Variants in ILDR2 observed in about 807,000 individuals in gnomAD.
ILDR2 encodes the protein immunoglobulin-like domain-containing receptor 2.
In ILDR2, 25 loss-of-function variants were observed where a neutral mutation model predicts 66.8. The ratio of observed to expected loss-of-function variants is 0.37; its 90% CI spans 0.27 to 0.52. ILDR2 has a LOEUF of 0.52. Ranked by LOEUF, ILDR2 falls within the 20% of genes least tolerant of loss-of-function variation. The pLI is 0.88. For missense variants in ILDR2, 827 were observed against 876.8 expected (o/e 0.94, Z 0.72); for synonymous variants, 367 against 357.2 (o/e 1.03, Z -0.31).
chr1:166,956,037 C>T (rs1187555781), intron 3 of ILDR2, among the ~76,000 whole-genome samples: 1 of 152,144 alleles, frequency 6.6e-6, no homozygotes, highest in Non-Finnish European at 1.5e-5. Context: ...CAGTTTCATA[C>T]AGAGGTCAGC....
At chr1:166,935,577 T>C in intron 5 of ILDR2, 100 bp from the exon 6 acceptor site, 1 of 1,020,968 alleles carries the variant, frequency 9.8e-7, no homozygotes, top group Non-Finnish European at 1.4e-6. Context: ...AGCTCCTGGA[T>C]GTGTGTATGT....
chr1:166,947,768 G>C (rs1428198009), intron 3 of ILDR2, among the ~76,000 whole-genome samples: 1 of 152,128 alleles, frequency 6.6e-6, no homozygotes. Context: ...CGGTAACCGC[G>C]GGCCGCCAGG....
At position 166,936,700 on chromosome 1, in the gene ILDR2, G is replaced by A; in HGVS notation, c.594C>T (p.Phe198=). The A allele has an allele frequency of 6.2e-7, 1 of 1,614,148 alleles. No homozygotes were observed. Among genetic ancestry groups the A allele is most frequent in the South Asian group, 1.1e-5 (1 of 91,078 alleles). ...VFVGLVLLGV[F]LFFVLVGICW... The stretch of plus-strand genomic sequence containing the variant: ...AGATCCCCACCAGGACGAAGAAGAG[G>A]AAGACGCCCAGGAGCACCAGGCCAA... Residue 198 remains phenylalanine, a synonymous_variant, in exon 5 of 10, where the codon TTC becomes TTT. Coordinates refer to ENST00000271417, the MANE Select transcript of ILDR2 (RefSeq NM_199351.3). The surrounding 1 kb of genome is among the most constrained non-coding windows in gnomAD (Gnocchi z 5.0).
At chr1:166,944,591 C>A (rs1021644417) in intron 3 of ILDR2, among the ~76,000 whole-genome samples, 1 of 152,208 alleles carries the variant, frequency 6.6e-6, no homozygotes, top group Non-Finnish European at 1.5e-5. Context: ...GCACATTTCA[C>A]AACAAATTAT....
downstream of ILDR2, chr1:166,907,101 T>A (rs143710699): frequency 6.6e-6 from 1 of 152,332 alleles, no homozygotes; most frequent in African/African-American, 2.4e-5. Flanking sequence ...TCTGATACTG[T>A]GAGGATAATT....
At chr1:166,959,747 G>C (rs781478969) in intron 1 of ILDR2, among the ~76,000 whole-genome samples, 2 of 152,136 alleles carry the variant, frequency 1.3e-5, no homozygotes, top group Non-Finnish European at 2.9e-5. Context: ...TCCAAGCAAA[G>C]GGAACATAAC....
At chr1:166,956,663 G>A in intron 3 of ILDR2, 70 bp downstream of exon 3, 1 of 1,561,184 alleles carries the variant, frequency 6.4e-7, no homozygotes, top group East Asian at 2.2e-5. Context: ...GGAGAAGTGA[G>A]AAGAGGGATA....
chr1:166,906,220 A>T (rs1659347593), downstream of ILDR2, among the ~76,000 whole-genome samples: 1 of 152,198 alleles, frequency 6.6e-6, no homozygotes, highest in South Asian at 2.1e-4. Context: ...CAGTGGTATG[A>T]AGGATACCAA....
intron 7 of ILDR2, among the ~76,000 whole-genome samples, chr1:166,925,510 A>G (rs1660224875): frequency 6.6e-6 from 1 of 152,164 alleles, no homozygotes; most frequent in East Asian, 1.9e-4. Flanking sequence ...CTAAAGTCCT[A>G]CTAGCTAGAA....
At chr1:166,923,335 T>C (rs1660073189) in intron 7 of ILDR2, among the ~76,000 whole-genome samples, 2 of 152,188 alleles carry the variant, frequency 1.3e-5, no homozygotes, top group South Asian at 4.1e-4. Flanking sequence ...CTGGCCTCCT[T>C]TGGCTGTGCC....
Position 166,922,658 on chromosome 1 carries a change from ACTG to A in ILDR2, c.1143_1145del (p.Ser382del). On this transcript the variant is annotated inframe_deletion, in exon 8 of 10. Transcript: ENST00000271417. ...TGGCTGAGGGCCCGCGGCTTGCCCC[ACTG>A]CTGCCTCCCATGACACCTGACCAAT... 6.2e-7 allele frequency: 1 copy of A among 1,614,100 alleles called. No homozygotes were observed. Among genetic ancestry groups the A allele is most frequent in the Non-Finnish European group, 8.5e-7 (1 of 1,180,020 alleles).
At chr1:166,937,231 G>A (rs1661040657) in intron 4 of ILDR2, among the ~76,000 whole-genome samples, 1 of 152,192 alleles carries the variant, frequency 6.6e-6, no homozygotes, top group African/African-American at 2.4e-5. Flanking sequence ...GGGTCTAGAT[G>A]TAGTTTATAG....
intron 6 of ILDR2, among the ~76,000 whole-genome samples, chr1:166,928,581 T>A (rs1008461698): frequency 3.3e-5 from 5 of 152,220 alleles, no homozygotes; most frequent in Non-Finnish European, 7.3e-5. Context: ...AAAGAAACCA[T>A]ATGACTGCAT....
chr1:166,937,344 C>T (rs6690159), intron 4 of ILDR2, among the ~76,000 whole-genome samples: 7 of 152,176 alleles, frequency 4.6e-5, no homozygotes, highest in Non-Finnish European at 1.0e-4. Flanking sequence ...GAGATCCAAA[C>T]TCTTTGCTTA....
rs1261613226 is a variant in ILDR2 at position 166,921,461 on chromosome 1, C to T, written c.1212-82G>A. ...GGGCTCCCAAGAGCACCCATCGTGT[C>T]CTGGGGCCACGCTCAGGAGACCTCG... On this transcript the variant is annotated intron_variant, in intron 8 of 9. Coordinates refer to ENST00000271417, the MANE Select transcript of ILDR2 (RefSeq NM_199351.3). The surrounding 1 kb of genome is among the most constrained non-coding windows in gnomAD (Gnocchi z 5.3). 6.6e-6 allele frequency: 8 copies of T among 1,204,162 alleles called. No individual in the cohort carries two copies. In the South Asian group the frequency reaches 1.1e-4, roughly 16 times the overall value. The allele number at this position is 1,204,162 out of a possible 1,614,324, so 74.6% of individuals were successfully genotyped here.
In ILDR2 at chr1:166,920,876, C is replaced by T. The variant is rs1291752686; in HGVS notation, c.1715G>A (p.Gly572Asp). The T allele has an allele frequency of 6.7e-7, 1 of 1,495,106 alleles. No homozygotes were observed. The highest frequency in any genetic ancestry group is 8.9e-7 in the Non-Finnish European group (1 of 1,126,920). 92.6% of individuals were successfully genotyped at this position (1,495,106 alleles called of 1,614,324 possible). ...SASYYAWSPP[G>D]TYKAGSSQDD... is the part of the protein sequence containing the mutation. ...CTGCGACGAGCCGGCCTTGTAGGTG[C>T]CGGGCGGCGACCAAGCGTAGTAGGA... Residue 572 changes from glycine to aspartate, a missense_variant, in exon 9 of 10, where the codon GGC becomes GAC. By Grantham distance (94) the Gly-to-Asp change is moderately conservative. Coordinates refer to ENST00000271417, the MANE Select transcript of ILDR2 (RefSeq NM_199351.3).
At chr1:166,924,868 T>C (rs959470076) in intron 7 of ILDR2, among the ~76,000 whole-genome samples, 4 of 151,944 alleles carry the variant, frequency 2.6e-5, no homozygotes, top group African/African-American at 9.7e-5. Flanking sequence ...ATTAAAAAAT[T>C]AGTTGTGCAT....
At position 166,921,159 on chromosome 1, in the gene ILDR2, A is replaced by G; in HGVS notation, c.1432T>C (p.Tyr478His). Residue 478 changes from tyrosine to histidine, a missense_variant, in exon 9 of 10, where the codon TAC becomes CAC. By Grantham distance (83) the Tyr-to-His change is moderately conservative (BLOSUM62 2). This residue lies in a region of ILDR2 where 390 missense variants were observed against 353.6 expected (regional missense o/e 1.10). Transcript: ENST00000271417. The surrounding 1 kb of genome is among the most constrained non-coding windows in gnomAD (Gnocchi z 5.3). Reference protein sequence around the residue: ...FYQDDSLEEYYGQRSRSREPL... With the variant: ...FYQDDSLEEYHGQRSRSREPL... ...TCGCGGCTGCGGCTGCGCTGACCGT[A>G]GTACTCCTCCAAGGAGTCGTCCTGG... 1 of 1,542,532 alleles carries G rather than the reference A, an allele frequency of 6.5e-7. No homozygotes were observed. The highest frequency in any genetic ancestry group is 8.7e-7 in the Non-Finnish European group (1 of 1,150,924).
intron 4 of ILDR2, among the ~76,000 whole-genome samples, chr1:166,939,099 T>C (rs1371765343): frequency 6.6e-6 from 1 of 152,192 alleles, no homozygotes; most frequent in Non-Finnish European, 1.5e-5. Context: ...TTTGATGATG[T>C]TATAAAAGGC....
Sources: gnomAD v4.1 joint callset for allele counts (sites outside exome capture counted in the v4.1 genomes callset) on GRCh38, gnomAD v4.1.1 for gene constraint, gnomAD v4.1.1 regional missense constraint, Gnocchi (gnomAD v3.1) non-coding constraint, MANE v1.5 for transcripts, NCBI Gene and HGNC (gene_info 2026-07-23, HGNC 2026-07-21) for gene names.